Variants in TMEM170B observed in about 807,000 individuals in gnomAD.
TMEM170B encodes transmembrane protein 170B.
In TMEM170B, 6 loss-of-function variants were observed where a neutral mutation model predicts 13.0. That is an observed-to-expected ratio of 0.46 (90% CI 0.25 to 0.91). The LOEUF is 0.91. TMEM170B is among the 40% of genes least tolerant of loss of function. The pLI, the probability that TMEM170B is intolerant of heterozygous loss-of-function variation, is 0.17. For synonymous variants in TMEM170B, 61 were observed against 64.9 expected, an observed-to-expected ratio of 0.94 and a Z score of 0.29; for missense variants, 138 against 165.2, an observed-to-expected ratio of 0.84 and a Z score of 0.90.
intron 2 of TMEM170B, among the ~76,000 whole-genome samples, chr6:11,568,436 TA>T (rs1759762321): frequency 1.3e-5 from 2 of 152,106 alleles, no homozygotes; most frequent in Non-Finnish European, 2.9e-5. Flanking sequence ...TGTGTATATA[TA>T]TATATGTATT....
chr6:11,577,821 T>C lies in TMEM170B; in HGVS notation c.*2260T>C, dbSNP rs1759899661. On this transcript the variant is annotated 3_prime_UTR_variant, in exon 3 of 3. Transcript: ENST00000379426. ...CAATTGTGTGTGTATGTGTATACTT[T>C]TAATTTTAGGGGTTATTTTTGGTTT... 1 of 152,126 alleles carries C rather than the reference T, an allele frequency of 6.6e-6. No homozygotes were observed. The highest frequency in any genetic ancestry group is 6.6e-5 in the Admixed American group (1 of 15,258). The allele number at this position is 152,126 out of a possible 1,614,324, so 9.4% of individuals were successfully genotyped here. A position where few individuals can be genotyped will look rare whatever the true frequency, so the allele number is the denominator to read the frequency against.
chr6:11,566,205 C>G (rs772379504), intron 2 of TMEM170B, among the ~76,000 whole-genome samples: 6 of 152,162 alleles, frequency 3.9e-5, no homozygotes, highest in Non-Finnish European at 8.8e-5. Context: ...TTATCATAAG[C>G]AAAAGTATAG....
intron 1 of TMEM170B, among the ~76,000 whole-genome samples, chr6:11,560,836 A>C (rs1201755992): frequency 1.3e-5 from 2 of 152,182 alleles, no homozygotes; most frequent in Admixed American, 6.5e-5. Context: ...ACTTGTTTTT[A>C]CTCAGTATTT....
chr6:11,550,496 G>A (rs540566632), intron 1 of TMEM170B, among the ~76,000 whole-genome samples: 19 of 151,416 alleles, frequency 1.3e-4, no homozygotes, highest in African/African-American at 4.6e-4. Flanking sequence ...TTTAGCCAAC[G>A]CTTTACCCTG....
At chr6:11,545,747 A>C (rs780639984) in intron 1 of TMEM170B, among the ~76,000 whole-genome samples, 1 of 151,912 alleles carries the variant, frequency 6.6e-6, no homozygotes, top group Non-Finnish European at 1.5e-5. Context: ...TAAAAAAAAA[A>C]GCTGAATCCC....
At chr6:11,544,524 A>G (rs531808408) in intron 1 of TMEM170B, among the ~76,000 whole-genome samples, 1 of 152,338 alleles carries the variant, frequency 6.6e-6, no homozygotes, top group East Asian at 1.9e-4. Flanking sequence ...GCTTTCTAAC[A>G]TTTTAAGTTG....
intron 2 of TMEM170B, among the ~76,000 whole-genome samples, chr6:11,567,393 T>C (rs1373492351): frequency 6.6e-6 from 1 of 152,226 alleles, no homozygotes; most frequent in Non-Finnish European, 1.5e-5. Flanking sequence ...TCTGACAGTT[T>C]CTTCTTCCTT....
chr6:11,556,830 C>G (rs1474394663), intron 1 of TMEM170B, among the ~76,000 whole-genome samples: 1 of 152,130 alleles, frequency 6.6e-6, no homozygotes, highest in East Asian at 1.9e-4. Context: ...CTGCCCTCCC[C>G]TAATGGCTAA....
intron 2 of TMEM170B, among the ~76,000 whole-genome samples, chr6:11,574,705 G>A (rs1339797183): frequency 6.6e-6 from 1 of 152,136 alleles, no homozygotes; most frequent in African/African-American, 2.4e-5. Flanking sequence ...GGTCTGTGAA[G>A]ATCAGATGTT....
intron 2 of TMEM170B, 95 bp downstream of exon 2, chr6:11,565,931 CTT>C (rs1759726482): frequency 2.6e-6 from 3 of 1,160,728 alleles, no homozygotes; most frequent in African/African-American, 1.5e-5. Flanking sequence ...TTAGTGAGAT[CTT>C]TTATGTAGAT....
intron 2 of TMEM170B, among the ~76,000 whole-genome samples, chr6:11,571,623 C>A (rs1405693287): frequency 6.6e-6 from 1 of 152,130 alleles, no homozygotes; most frequent in Non-Finnish European, 1.5e-5. Context: ...TATCCCACTT[C>A]TCTGCATGCC....
intron 2 of TMEM170B, among the ~76,000 whole-genome samples, chr6:11,567,144 A>G (rs1024409820): frequency 1.3e-5 from 2 of 152,124 alleles, no homozygotes; most frequent in Admixed American, 1.3e-4. Flanking sequence ...CAACCTACCT[A>G]TTGTAACAAT....
At chr6:11,559,197 C>A (rs188289848) in intron 1 of TMEM170B, among the ~76,000 whole-genome samples, 117 of 139,836 alleles carry the variant, frequency 8.4e-4, no homozygotes, top group Non-Finnish European at 1.4e-3. Context: ...CTTTTCTTTT[C>A]TTTTTTTTTT....
intron 2 of TMEM170B, among the ~76,000 whole-genome samples, chr6:11,570,854 T>A (rs778349251): frequency 2.0e-4 from 30 of 152,234 alleles, no homozygotes; most frequent in Non-Finnish European, 3.2e-4. Context: ...TGAGTGCAGC[T>A]GTATTTCAAG....
At chr6:11,554,489 G>A (rs919603006) in intron 1 of TMEM170B, among the ~76,000 whole-genome samples, 13 of 151,876 alleles carry the variant, frequency 8.6e-5, no homozygotes, top group Non-Finnish European at 1.6e-4. Context: ...AAATTGAATG[G>A]CATCTTTTAG....
chr6:11,561,323 G>A (rs1759662614), intron 1 of TMEM170B, among the ~76,000 whole-genome samples: 1 of 152,158 alleles, frequency 6.6e-6, no homozygotes, highest in Non-Finnish European at 1.5e-5. Context: ...ATGAGGTGGG[G>A]TATGAGTGGA....
At position 11,578,444 on chromosome 6, in the gene TMEM170B, A is replaced by G. The variant is rs1759908011; in HGVS notation, c.*2883A>G. Reference sequence around the variant, plus strand: ...GAAGGAACTCCTACATGCCCAAACTAATTACAGTTGAACATACTGATTAAA... The same window carrying G: ...GAAGGAACTCCTACATGCCCAAACTGATTACAGTTGAACATACTGATTAAA... On this transcript the variant is annotated 3_prime_UTR_variant, in exon 3 of 3. Coordinates refer to ENST00000379426, the MANE Select transcript of TMEM170B (RefSeq NM_001100829.3). The G allele has an allele frequency of 6.6e-6, 1 of 152,172 alleles. No homozygotes were observed. Among genetic ancestry groups the G allele is most frequent in the Non-Finnish European group, 1.5e-5 (1 of 68,012 alleles). The allele number at this position is 152,172 out of a possible 1,614,324, so 9.4% of individuals were successfully genotyped here.
At chr6:11,544,930 A>T (rs908273902) in intron 1 of TMEM170B, among the ~76,000 whole-genome samples, 2 of 152,158 alleles carry the variant, frequency 1.3e-5, no homozygotes, top group Non-Finnish European at 2.9e-5. Context: ...CTTGACTTTT[A>T]AAAAATCTAC....
intron 1 of TMEM170B, among the ~76,000 whole-genome samples, chr6:11,538,854 C>T (rs1193963596): frequency 6.6e-6 from 1 of 152,140 alleles, no homozygotes; most frequent in South Asian, 2.1e-4. Context: ...CTTTTTCAAC[C>T]GCTAATTTTT....
Sources: allele counts gnomAD v4.1 joint callset (sites outside exome capture counted in the v4.1 genomes callset), GRCh38; gene constraint gnomAD v4.1.1; transcripts MANE v1.5; gene names NCBI Gene and HGNC (gene_info 2026-07-23, HGNC 2026-07-21).